The following PARD3B variants were observed in gnomAD, a reference collection of about 807,000 sequenced individuals.
PARD3B encodes the protein par-3 family cell polarity regulator beta, also known as partitioning defective 3 homolog B.
In PARD3B, 103 loss-of-function variants were observed where a neutral mutation model predicts 130.2. The observed-to-expected ratio is 0.79, with a 90% CI of 0.67 to 0.93. The LOEUF is 0.93. PARD3B is among the 40% of genes least tolerant of loss of function. The pLI is 0.00. For missense variants in PARD3B, 1,609 were observed against 1,499.2 expected (o/e 1.07, Z -1.21); for synonymous variants, 583 against 553.2 (o/e 1.05, Z -0.76).
intron 22 of PARD3B, 21 bp from the exon 23 acceptor site, chr2:205,615,435 T>C: frequency 6.4e-7 from 1 of 1,557,400 alleles, no homozygotes. Flanking sequence ...TGCTAACATG[T>C]GTCTCTTCTT....
chr2:205,284,406 T>C (rs2041308548), intron 16 of PARD3B, among the ~76,000 whole-genome samples: 2 of 152,174 alleles, frequency 1.3e-5, no homozygotes, highest in South Asian at 4.1e-4. Context: ...AAAATAGAAA[T>C]GTGTAAGCAA....
rs551545594 is a variant in PARD3B at position 205,585,017 on chromosome 2, G to A, written c.3261-30439G>A. Among the ~76,000 whole-genome samples the A allele has an allele frequency of 1.4e-3, 219 of 152,266 alleles. 2 individuals are homozygous for A. Among genetic ancestry groups the A allele is most frequent in the African/African-American group, 5.1e-3 (212 of 41,558 alleles). On this transcript the variant is annotated intron_variant, in intron 22 of 22. Coordinates refer to ENST00000406610, the MANE Select transcript of PARD3B (RefSeq NM_001302769.2). This position sits in a 1 kb window ranked among gnomAD's most constrained non-coding sequence, Gnocchi z 5.4. ...GCGCCCACAAATGACCGTTTGACAG[G>A]CACCACTCATTGTGCACACCCGCTG... is the stretch of plus-strand genomic sequence containing the variant.
chr2:204,899,502 T>TA (rs1230854508), intron 2 of PARD3B, among the ~76,000 whole-genome samples: 1 of 152,104 alleles, frequency 6.6e-6, no homozygotes, highest in Non-Finnish European at 1.5e-5. Flanking sequence ...GAAAAAAAAC[T>TA]AAAAAAACTC....
rs2037164024 is a variant in PARD3B at position 205,204,349 on chromosome 2, G to A, written c.2140+11029G>A. On this transcript the variant is annotated intron_variant, in intron 15 of 22. Coordinates refer to ENST00000406610, the MANE Select transcript of PARD3B (RefSeq NM_001302769.2). ...AGTTCCTTGTAGATTCTGGATATTAGCCCTTTGTCAGATGGATAGATTGCA... is the reference window on the plus strand; with the variant it reads ...AGTTCCTTGTAGATTCTGGATATTAACCCTTTGTCAGATGGATAGATTGCA... 3.3e-5 allele frequency among the ~76,000 whole-genome samples: 5 copies of A among 152,132 alleles called. 1 individual carries two copies. The South Asian group carries it at 1.0e-3, about 32-fold the overall frequency.
intron 3 of PARD3B, among the ~76,000 whole-genome samples, chr2:204,995,269 A>T (rs1246555968): frequency 6.6e-6 from 1 of 151,924 alleles, no homozygotes; most frequent in Admixed American, 6.6e-5. Flanking sequence ...CTTTTAGGGC[A>T]GGCCTTGTGG....
chr2:205,598,360 G>T (rs1373287326), intron 22 of PARD3B, among the ~76,000 whole-genome samples: 2 of 148,604 alleles, frequency 1.3e-5, no homozygotes, highest in Non-Finnish European at 3.0e-5. Flanking sequence ...CCATCAGAAA[G>T]GACAAAAAAA....
chr2:204,995,017 G>A (rs1247035655), intron 3 of PARD3B, among the ~76,000 whole-genome samples: 1 of 150,772 alleles, frequency 6.6e-6, no homozygotes, highest in Non-Finnish European at 1.5e-5. Context: ...ACACTGATGG[G>A]TCTTGACTCT....
chr2:205,052,890 A>C (rs537904052), intron 4 of PARD3B, among the ~76,000 whole-genome samples: 1 of 152,078 alleles, frequency 6.6e-6, no homozygotes, highest in Non-Finnish European at 1.5e-5. Flanking sequence ...ATTATTAGCA[A>C]CTCTAAGATT....
At chr2:205,135,601 T>G (rs2125657812) in intron 10 of PARD3B, among the ~76,000 whole-genome samples, 1 of 147,894 alleles carries the variant, frequency 6.8e-6, no homozygotes, top group South Asian at 2.1e-4. Flanking sequence ...TAAGGGCTGG[T>G]AAAACAGAGA....
At chr2:204,868,435 G>A (rs1235746278) in intron 2 of PARD3B, among the ~76,000 whole-genome samples, 3 of 152,028 alleles carry the variant, frequency 2.0e-5, no homozygotes, top group Non-Finnish European at 1.5e-5. Flanking sequence ...ATAGTAGAAG[G>A]ATGTTGTACA....
chr2:204,972,611 A>G (rs1691805380), intron 3 of PARD3B, among the ~76,000 whole-genome samples: 1 of 152,186 alleles, frequency 6.6e-6, no homozygotes, highest in African/African-American at 2.4e-5. Context: ...ATTAAAAGGA[A>G]TTTACATGTA....
chr2:204,924,735 G>A (rs1399353218), intron 2 of PARD3B, among the ~76,000 whole-genome samples: 1 of 152,006 alleles, frequency 6.6e-6, no homozygotes, highest in Non-Finnish European at 1.5e-5. Flanking sequence ...GTAAAAGTTG[G>A]AAGGTACACA....
rs2031220285 is a variant in PARD3B, at chr2:205,125,054, T to C, written c.1306-555T>C. 6.6e-6 allele frequency among the ~76,000 whole-genome samples: 1 copy of C among 152,196 alleles called. No homozygotes were observed. Among genetic ancestry groups the C allele is most frequent in the Non-Finnish European group, 1.5e-5 (1 of 68,020 alleles). Reference sequence around the variant, plus strand: ...TGTCCATTTACCTTTGAAGCAAACATCTTCATTAAAAGCAACACTTTAGCT... The same window carrying C: ...TGTCCATTTACCTTTGAAGCAAACACCTTCATTAAAAGCAACACTTTAGCT... On this transcript the variant is annotated intron_variant, in intron 9 of 22. Coordinates refer to ENST00000406610, the MANE Select transcript of PARD3B (RefSeq NM_001302769.2). The surrounding 1 kb of genome is among the most constrained non-coding windows in gnomAD (Gnocchi z 4.0).
At chr2:205,251,325 T>C (rs1193989500) in intron 16 of PARD3B, among the ~76,000 whole-genome samples, 1 of 151,956 alleles carries the variant, frequency 6.6e-6, no homozygotes, top group African/African-American at 2.4e-5. Flanking sequence ...AAGATGTGCA[T>C]GTGACGTGTA....
In PARD3B at chr2:205,397,632, A is replaced by C. The variant is rs1232032632; in HGVS notation, c.2631-3381A>C. 2.6e-5 allele frequency among the ~76,000 whole-genome samples: 4 copies of C among 152,198 alleles called. No individual in the cohort carries two copies. Among genetic ancestry groups the C allele is most frequent in the African/African-American group, 9.6e-5 (4 of 41,456 alleles). ...CTCAGAAATCCCAAAAGCTGCAAAT[A>C]TAGGAGAAATAATATGGGACATGGA... is the stretch of plus-strand genomic sequence containing the variant. On this transcript the variant is annotated intron_variant, in intron 18 of 22. Coordinates refer to ENST00000406610, the MANE Select transcript of PARD3B (RefSeq NM_001302769.2). This position sits in a 1 kb window ranked among gnomAD's most constrained non-coding sequence, Gnocchi z 4.8.
At chr2:205,481,772 C>G (rs2049245781) in intron 20 of PARD3B, among the ~76,000 whole-genome samples, 1 of 152,196 alleles carries the variant, frequency 6.6e-6, no homozygotes. Context: ...TGGAAAGTGG[C>G]AGAACCAGAA....
At chr2:204,999,942 G>T (rs531381109) in intron 3 of PARD3B, among the ~76,000 whole-genome samples, 2 of 152,014 alleles carry the variant, frequency 1.3e-5, no homozygotes, top group African/African-American at 4.8e-5. Context: ...CGATACAAGG[G>T]TATTTCCAGT....
At chr2:205,098,805 A>G (rs1241596306) in intron 4 of PARD3B, among the ~76,000 whole-genome samples, 1 of 152,150 alleles carries the variant, frequency 6.6e-6, no homozygotes, top group Non-Finnish European at 1.5e-5. Context: ...AAACACCTTT[A>G]CTTTCCAGCT....
chr2:204,794,412 G>C (rs1244860001), intron 2 of PARD3B, among the ~76,000 whole-genome samples: 1 of 152,196 alleles, frequency 6.6e-6, no homozygotes, highest in African/African-American at 2.4e-5. Flanking sequence ...GACTGTGTCT[G>C]CATGAGTGGG....
Sources: allele counts gnomAD v4.1 joint callset (sites outside exome capture counted in the v4.1 genomes callset), GRCh38; gene constraint gnomAD v4.1.1; non-coding constraint Gnocchi (gnomAD v3.1); transcripts MANE v1.5; gene names NCBI Gene and HGNC (gene_info 2026-07-23, HGNC 2026-07-21).